Variants in SSUH2 observed in about 807,000 individuals in gnomAD.
SSUH2 encodes protein SSUH2 homolog.
Under a neutral mutation model 55.3 loss-of-function variants are expected in SSUH2, and 47 were observed. That is an observed-to-expected ratio of 0.85 (90% CI 0.67 to 1.08). The LOEUF (loss-of-function observed/expected upper bound fraction) is 1.08. SSUH2 is among the 50% of genes least tolerant of loss of function. The probability of loss-of-function intolerance (pLI) is 0.00; values close to 1 mark genes in which losing one functional copy is unlikely to be tolerated. For synonymous variants in SSUH2, 212 were observed against 191.5 expected (o/e 1.11, Z -0.89); for missense variants, 535 against 490.7 (o/e 1.09, Z -0.85).
At chr3:8,653,645 T>A (rs1045852548) in intron 7 of SSUH2, among the ~76,000 whole-genome samples, 2 of 152,336 alleles carry the variant, frequency 1.3e-5, no homozygotes, top group South Asian at 4.1e-4. Flanking sequence ...AACATAGAAA[T>A]AACTAAAATA....
intron 6 of SSUH2, 113 bp downstream of exon 6, chr3:8,630,692 C>T (rs760475306): frequency 1.3e-5 from 13 of 1,005,782 alleles, no homozygotes; most frequent in South Asian, 4.5e-5. Flanking sequence ...AATGAAGCAC[C>T]GGCCTGAATT....
intron 5 of SSUH2, among the ~76,000 whole-genome samples, chr3:8,665,056 G>A (rs1003288107): frequency 2.0e-5 from 3 of 151,998 alleles, no homozygotes; most frequent in Non-Finnish European, 2.9e-5. Context: ...CTTTTCCACC[G>A]AATTTTCTGC....
chr3:8,672,862 C>T (rs1218820441), intron 3 of SSUH2, among the ~76,000 whole-genome samples: 1 of 152,110 alleles, frequency 6.6e-6, no homozygotes, highest in African/African-American at 2.4e-5. Context: ...CATACGCCAT[C>T]CTCTGGAGAT....
intron 7 of SSUH2, among the ~76,000 whole-genome samples, chr3:8,650,385 T>G (rs1559477752): frequency 1.3e-5 from 2 of 152,248 alleles, no homozygotes; most frequent in Non-Finnish European, 2.9e-5. Context: ...TACTTAGCAC[T>G]GTGAACAGAG....
chr3:8,626,623 A>C (rs1697619741), intron 8 of SSUH2, among the ~76,000 whole-genome samples: 1 of 145,744 alleles, frequency 6.9e-6, no homozygotes, highest in Admixed American at 7.5e-5. Flanking sequence ...CCCTGGTCTC[A>C]GTGGCTGATA....
chr3:8,662,872 T>G (rs931160072), intron 6 of SSUH2, among the ~76,000 whole-genome samples: 1 of 152,254 alleles, frequency 6.6e-6, no homozygotes, highest in African/African-American at 2.4e-5. Context: ...TGGTACTGAC[T>G]TGGGACAAAT....
intron 1 of SSUH2, among the ~76,000 whole-genome samples, chr3:8,643,574 AAATTG>A (rs1701220941): frequency 2.0e-5 from 3 of 152,232 alleles, no homozygotes; most frequent in Admixed American, 2.0e-4. Context: ...AACAAAATTT[AAATTG>A]AGCTCTCTAA....
chr3:8,646,450 G>A (rs765221450), upstream of SSUH2, among the ~76,000 whole-genome samples: 3 of 152,086 alleles, frequency 2.0e-5, no homozygotes, highest in African/African-American at 4.8e-5. Context: ...ACAAGGACCC[G>A]AAATCTTGAG....
intron 5 of SSUH2, among the ~76,000 whole-genome samples, chr3:8,668,455 A>G (rs1228080597): frequency 2.0e-5 from 3 of 152,264 alleles, no homozygotes; most frequent in Non-Finnish European, 4.4e-5. Flanking sequence ...CAAATCTAAC[A>G]TTAATGAAAT....
chr3:8,674,832 G>C (rs912210266), intron 3 of SSUH2, among the ~76,000 whole-genome samples: 1 of 151,420 alleles, frequency 6.6e-6, no homozygotes, highest in Non-Finnish European at 1.5e-5. Context: ...GCTGGGCCAA[G>C]AGAGAAGACA....
chr3:8,656,686 G>C (rs1702965096), intron 7 of SSUH2, among the ~76,000 whole-genome samples: 1 of 152,186 alleles, frequency 6.6e-6, no homozygotes, highest in Admixed American at 6.5e-5. Flanking sequence ...TGTGAGTTGA[G>C]AATTGTTATT....
chr3:8,653,732 T>C (rs1702662632), intron 7 of SSUH2, among the ~76,000 whole-genome samples: 1 of 152,258 alleles, frequency 6.6e-6, no homozygotes, highest in African/African-American at 2.4e-5. Flanking sequence ...TACTGAATTA[T>C]AACACAAATC....
At position 8,659,385 on chromosome 3, in the gene SSUH2, A is replaced by G. The variant is rs181518990; in HGVS notation, c.-395-372T>C. On this transcript the variant is annotated intron_variant, in intron 6 of 18. Coordinates refer to the SSUH2 transcript ENST00000317371. The stretch of plus-strand genomic sequence containing the variant: ...TTGTTCCCTCCGCCTCTCCATCCAC[A>G]TAACTTTTCCCATCCTTCAATGCCC... The G allele has an allele frequency of 1.8e-3, 277 of 156,332 alleles. 2 individuals carry two copies. The highest frequency in any genetic ancestry group is 3.0e-3 in the Non-Finnish European group (214 of 70,952). 9.7% of individuals were successfully genotyped at this position (156,332 alleles called of 1,614,324 possible). A position where few individuals can be genotyped will look rare whatever the true frequency, so the allele number is the denominator to read the frequency against.
At chr3:8,674,550 G>C (rs555507481) in intron 3 of SSUH2, among the ~76,000 whole-genome samples, 4 of 152,266 alleles carry the variant, frequency 2.6e-5, no homozygotes, top group Non-Finnish European at 2.9e-5. Context: ...ATCCAAAAAG[G>C]CTCTTGACAT....
upstream of SSUH2, among the ~76,000 whole-genome samples, chr3:8,649,059 C>G (rs567435317): frequency 5.9e-5 from 9 of 152,270 alleles, 1 homozygote; most frequent in South Asian, 1.9e-3. Context: ...GAGCCCCTAC[C>G]CTCCAACAAT....
chr3:8,657,021 C>T (rs1047386617), intron 7 of SSUH2, among the ~76,000 whole-genome samples: 1 of 152,206 alleles, frequency 6.6e-6, no homozygotes, highest in African/African-American at 2.4e-5. Context: ...GCTGGGACTA[C>T]AGGCATGCAC....
chr3:8,625,914 G>A (rs750004942), intron 9 of SSUH2, among the ~76,000 whole-genome samples: 7 of 152,196 alleles, frequency 4.6e-5, no homozygotes, highest in Non-Finnish European at 5.9e-5. Context: ...TTTAATGCAC[G>A]GAAGCCCTGA....
intron 6 of SSUH2, chr3:8,659,899 G>T (rs1003515633): frequency 3.8e-5 from 16 of 424,936 alleles, no homozygotes; most frequent in African/African-American, 3.2e-4. Context: ...TCTTTCCAGG[G>T]AAGCAGACAT....
intron 2 of SSUH2, among the ~76,000 whole-genome samples, 157 bp downstream of exon 2, chr3:8,635,602 A>G (rs1018263636): frequency 6.6e-6 from 1 of 152,182 alleles, no homozygotes. Flanking sequence ...CCTATGCCCC[A>G]TTGCTTCCTC....
Sources: allele counts gnomAD v4.1 joint callset (sites outside exome capture counted in the v4.1 genomes callset), GRCh38; gene constraint gnomAD v4.1.1; transcripts MANE v1.5; gene names NCBI Gene and HGNC (gene_info 2026-07-23, HGNC 2026-07-21).